LAMA2: variants seen among roughly 807,000 people sequenced by gnomAD.
LAMA2 encodes laminin subunit alpha 2.
In LAMA2, 269 loss-of-function variants were observed where a neutral mutation model predicts 364.8. The ratio of observed to expected loss-of-function variants is 0.74; its 90% CI spans 0.67 to 0.82. The LOEUF (loss-of-function observed/expected upper bound fraction) is 0.82. Among genes scored for constraint, LAMA2 ranks in the 40% least tolerant of loss-of-function variants. LAMA2 has a pLI of 0.00. For missense variants in LAMA2, 3,807 were observed against 3,873.2 expected, an observed-to-expected ratio of 0.98 and a Z score of 0.45; for synonymous variants, 1,379 against 1,370.6, an observed-to-expected ratio of 1.01 and a Z score of -0.14.
intron 27 of LAMA2, 26 bp from the exon 28 acceptor site, chr6:129,320,512 T>C: frequency 3.1e-6 from 4 of 1,288,398 alleles, no homozygotes; most frequent in Non-Finnish European, 3.4e-6. Context: ...GTCATAGTAA[T>C]CTAAGTACAT....
At chr6:129,144,540 A>G (rs1228108744) in intron 5 of LAMA2, among the ~76,000 whole-genome samples, 1 of 151,944 alleles carries the variant, frequency 6.6e-6, no homozygotes. Flanking sequence ...GTATGTCTTA[A>G]ACCTTAATGT....
At chr6:129,438,597 C>T (rs758789851) in intron 41 of LAMA2, 49 bp from the exon 42 acceptor site, 4 of 914,208 alleles carry the variant, frequency 4.4e-6, no homozygotes, top group Admixed American at 1.7e-5. Flanking sequence ...AGTATAAGCT[C>T]AGGGATGATA....
At position 129,291,861 on chromosome 6, in the gene LAMA2, G is replaced by C. The variant is rs547636525; in HGVS notation, c.2856+141G>C. 4 of 690,676 alleles carry C rather than the reference G, an allele frequency of 5.8e-6. No homozygotes were observed. In the Admixed American group the frequency reaches 9.7e-5, roughly 17 times the overall value. The allele number at this position is 690,676 out of a possible 1,614,324, so 42.8% of individuals were successfully genotyped here. A position where few individuals can be genotyped will look rare whatever the true frequency, so the allele number is the denominator to read the frequency against. On this transcript the variant is annotated intron_variant, in intron 20 of 64. Transcript: ENST00000421865. ...TCTACAATTGAAATGACTGTGATCA[G>C]TGAAAAGTTTTTTTCAAACTAGAAC...
intron 32 of LAMA2, among the ~76,000 whole-genome samples, chr6:129,361,512 A>G (rs761246933): frequency 6.6e-5 from 10 of 152,232 alleles, no homozygotes; most frequent in Non-Finnish European, 1.0e-4. Context: ...TGTCACGCCT[A>G]GGGGCTCCCA....
chr6:129,241,719 A>G (rs1285662461), intron 12 of LAMA2, among the ~76,000 whole-genome samples: 1 of 152,166 alleles, frequency 6.6e-6, no homozygotes, highest in East Asian at 1.9e-4. Flanking sequence ...CATGTCAAAC[A>G]ACTAACACAA....
chr6:129,463,856 T>C (rs1008759064), intron 49 of LAMA2, among the ~76,000 whole-genome samples: 1 of 151,956 alleles, frequency 6.6e-6, no homozygotes, highest in Non-Finnish European at 1.5e-5. Context: ...AATACAGGCC[T>C]CCTTAATCGT....
At chr6:129,356,782 G>A (rs577532897) in intron 32 of LAMA2, among the ~76,000 whole-genome samples, 59 of 152,182 alleles carry the variant, frequency 3.9e-4, no homozygotes, top group Middle Eastern at 3.4e-3. Flanking sequence ...AATTTTAAGT[G>A]TATGTAATCT....
intron 1 of LAMA2, among the ~76,000 whole-genome samples, chr6:128,977,870 T>C (rs1488708727): frequency 6.6e-6 from 1 of 152,212 alleles, no homozygotes; most frequent in African/African-American, 2.4e-5. Flanking sequence ...CAGAGTATGG[T>C]TGATTCATTC....
chr6:128,958,402 A>T (rs1781282454), intron 1 of LAMA2, among the ~76,000 whole-genome samples: 1 of 152,074 alleles, frequency 6.6e-6, no homozygotes. Context: ...CTGGGTACCC[A>T]TGGTGTTTAT....
At chr6:129,332,632 G>A (rs1025641799) in intron 29 of LAMA2, among the ~76,000 whole-genome samples, 1 of 152,048 alleles carries the variant, frequency 6.6e-6, no homozygotes, top group Non-Finnish European at 1.5e-5. Context: ...ATGTCTTACA[G>A]TAAACTGTTT....
chr6:129,093,551 T>C (rs1774980330), intron 3 of LAMA2, among the ~76,000 whole-genome samples: 1 of 152,140 alleles, frequency 6.6e-6, no homozygotes, highest in Admixed American at 6.5e-5. Flanking sequence ...TATGTGATGA[T>C]CATTGTCCGT....
rs551175988 is a variant in LAMA2, at chr6:129,198,515, A to G, written c.1782+5662A>G. Among the ~76,000 whole-genome samples, 935 of 152,302 alleles carry G rather than the reference A, an allele frequency of 6.1e-3. 8 individuals are homozygous for G. Among genetic ancestry groups the G allele is most frequent in the African/African-American group, 0.022 (896 of 41,584 alleles). Reference sequence around the variant, plus strand: ...GGGAACGACAAAGATATGAATTTATAAAAATACAAATGAATGAGATGAATA... The same window carrying G: ...GGGAACGACAAAGATATGAATTTATGAAAATACAAATGAATGAGATGAATA... On this transcript the variant is annotated intron_variant, in intron 12 of 64. Coordinates refer to ENST00000421865, the MANE Select transcript of LAMA2 (RefSeq NM_000426.4).
At chr6:129,341,716 G>T (rs1776277115) in intron 29 of LAMA2, among the ~76,000 whole-genome samples, 1 of 152,124 alleles carries the variant, frequency 6.6e-6, no homozygotes, top group African/African-American at 2.4e-5. Flanking sequence ...GAAGCTATTT[G>T]CACACTATTC....
chr6:129,388,014 T>C (rs1405556051), intron 35 of LAMA2, among the ~76,000 whole-genome samples: 2 of 152,124 alleles, frequency 1.3e-5, no homozygotes, highest in African/African-American at 4.8e-5. Flanking sequence ...TCCCAGTACT[T>C]TGAGAGGCCA....
At chr6:129,004,259 C>G (rs1383772496) in intron 1 of LAMA2, among the ~76,000 whole-genome samples, 2 of 47,250 alleles carry the variant, frequency 4.2e-5, no homozygotes, top group Admixed American at 1.9e-4. Flanking sequence ...GTGGTGGGGT[C>G]GGGGGAGGGG....
chr6:129,206,807 G>A (rs1159513407), intron 12 of LAMA2, among the ~76,000 whole-genome samples: 2 of 152,174 alleles, frequency 1.3e-5, no homozygotes, highest in African/African-American at 4.8e-5. Flanking sequence ...TATGTGATAG[G>A]GCCTCCAACT....
intron 1 of LAMA2, among the ~76,000 whole-genome samples, chr6:129,010,534 A>G (rs1784702874): frequency 6.6e-6 from 1 of 152,186 alleles, no homozygotes; most frequent in South Asian, 2.1e-4. Context: ...TAAATTCAAC[A>G]TATCTTTTGC....
chr6:128,917,504 G>A (rs1466301303), intron 1 of LAMA2, among the ~76,000 whole-genome samples: 1 of 151,834 alleles, frequency 6.6e-6, no homozygotes, highest in Admixed American at 6.6e-5. Context: ...GTTTGCTTCA[G>A]GACTTACATA....
At chr6:129,480,145 G>T (rs1313157014) in intron 54 of LAMA2, among the ~76,000 whole-genome samples, 1 of 152,148 alleles carries the variant, frequency 6.6e-6, no homozygotes, top group African/African-American at 2.4e-5. Context: ...AGTCTGCACA[G>T]TAGTTTTATC....
Sources: allele counts gnomAD v4.1 joint callset (sites outside exome capture counted in the v4.1 genomes callset), GRCh38; gene constraint gnomAD v4.1.1; transcripts MANE v1.5; gene names NCBI Gene and HGNC (gene_info 2026-07-23, HGNC 2026-07-21).